ZAN: variants seen among roughly 807,000 people sequenced by gnomAD.
ZAN encodes zonadhesin.
Under a neutral mutation model 286.2 loss-of-function variants are expected in ZAN, and 260 were observed. The ratio of observed to expected loss-of-function variants is 0.91; its 90% CI spans 0.82 to 1.01. The LOEUF is 1.01. Among genes scored for constraint, ZAN ranks in the 50% least tolerant of loss-of-function variants. ZAN has a pLI of 0.00. For synonymous variants in ZAN, 1,368 were observed against 1,417.5 expected, an observed-to-expected ratio of 0.97 and a Z score of 0.79; for missense variants, 3,410 against 3,639.2, an observed-to-expected ratio of 0.94 and a Z score of 1.62.
rs1233141695 is a variant in ZAN, at chr7:100,786,253, G to A, written c.6979+112G>A. 2.9e-5 allele frequency: 43 copies of A among 1,482,034 alleles called. No individual in the cohort carries two copies. The East Asian group carries it at 9.6e-4, about 33-fold the overall frequency. 91.8% of individuals were successfully genotyped at this position (1,482,034 alleles called of 1,614,324 possible). A position where few individuals can be genotyped will look rare whatever the true frequency, so the allele number is the denominator to read the frequency against. ...AGCCTGAACCCCAGCACAGTCAGGG[G>A]TTGGGGCGGGCGACTGGATCAGGAG... is the stretch of plus-strand genomic sequence containing the variant. On this transcript the variant is annotated intron_variant, in intron 37 of 47. Coordinates refer to ENST00000613979, the MANE Select transcript of ZAN (RefSeq NM_003386.3).
At chr7:100,783,748 AAAAAAAAAAAAAAAAAT>A (rs1189839544) in intron 35 of ZAN, among the ~76,000 whole-genome samples, 1 of 29,992 alleles carries the variant, frequency 3.3e-5, no homozygotes, top group Non-Finnish European at 6.4e-5. Context: ...AAAAAAAAAA[AAAAAAAAAAAAAAAAAT>A]ATATATATAT....
In ZAN at chr7:100,768,720, G is replaced by A; in HGVS notation, c.5152G>A (p.Gly1718Ser). The change falls in exon 27 of 48, where the codon GGC (glycine) becomes AGC (serine). Residue 1718 changes from glycine (G) to serine (S), a missense_variant and splice_region_variant. Around this residue, in one of 7 missense-constraint regions of ZAN, gnomAD observed 1,042 missense variants for 1,058.0 expected, o/e 0.98. Coordinates refer to ENST00000613979, the MANE Select transcript of ZAN (RefSeq NM_003386.3). ...AWKLPESSEP[G>S]CFLVGGKPSS... is the part of the protein sequence containing the mutation. ...GAAGTTACCTGAATCCTCTGAACCT[G>A]GGTGAGCTGGGGGTCAGGGGAGCCA... The A allele has an allele frequency of 6.3e-7, 1 of 1,591,074 alleles. No homozygotes were observed. The highest frequency in any genetic ancestry group is 1.1e-5 in the South Asian group (1 of 87,838).
chr7:100,755,247 G>A lies in ZAN; in HGVS notation c.3146G>A (p.Arg1049His), dbSNP rs1230573919. ...SSTERCPPNARYESCACPASC... is the reference protein window; with the variant it reads ...SSTERCPPNAHYESCACPASC... ...TTAGAGCGCTGCCCTCCAAATGCCC[G>A]CTACGAATCCTGTGCTTGTCCTGCT... The change falls in exon 15 of 48, where the codon CGC (arginine) becomes CAC (histidine). Residue 1049 changes from arginine to histidine, a missense_variant. This residue lies in a region of ZAN where 1,042 missense variants were observed against 1,058.0 expected (regional missense o/e 0.98). Transcript: ENST00000613979. The A allele has an allele frequency of 3.7e-6, 6 of 1,612,678 alleles. No homozygotes were observed. Among genetic ancestry groups the A allele is most frequent in the Non-Finnish European group, 5.1e-6 (6 of 1,179,264 alleles).
chr7:100,793,742 C>CT (rs1554413247), intron 42 of ZAN, 78 bp from the exon 43 acceptor site: 4 of 1,476,366 alleles, frequency 2.7e-6, no homozygotes, highest in African/African-American at 2.8e-5. Context: ...CCAGCCTACT[C>CT]TGAGTTTTAT....
In ZAN at chr7:100,779,485, G is replaced by A. The variant is rs374805852; in HGVS notation, c.6357G>A (p.Ala2119=). ...SLLVDEQQIP[A]EQQENPSGNC... Reference sequence around the variant, plus strand: ...TGGTAGATGAGCAGCAGATTCCAGCGGAACAGCAGGAGAACCCGAGTGGAA... The same window carrying A: ...TGGTAGATGAGCAGCAGATTCCAGCAGAACAGCAGGAGAACCCGAGTGGAA... The change falls in exon 35 of 48, where the codon GCG becomes GCA. Residue 2119 remains alanine (A), a synonymous_variant. Coordinates refer to ENST00000613979, the MANE Select transcript of ZAN (RefSeq NM_003386.3). 52 of 1,610,888 alleles carry A rather than the reference G, an allele frequency of 3.2e-5. No individual in the cohort carries two copies. Among genetic ancestry groups the A allele is most frequent in the Non-Finnish European group, 4.2e-5 (49 of 1,178,664 alleles).
At chr7:100,737,813 A>C (rs1348318278) in intron 6 of ZAN, among the ~76,000 whole-genome samples, 1 of 136,122 alleles carries the variant, frequency 7.3e-6, no homozygotes, top group Non-Finnish European at 1.6e-5. Context: ...GCCTAAAGAG[A>C]GGTCTCGGCC....
intron 40 of ZAN, among the ~76,000 whole-genome samples, 152 bp downstream of exon 40, chr7:100,791,265 C>CT (rs775767893): frequency 7.0e-4 from 107 of 152,288 alleles, no homozygotes; most frequent in South Asian, 1.0e-3. Context: ...TCCCTCTCAT[C>CT]TGACTCTGGG....
intron 40 of ZAN, among the ~76,000 whole-genome samples, chr7:100,791,762 C>G (rs561964923): frequency 6.6e-6 from 1 of 152,168 alleles, no homozygotes; most frequent in Non-Finnish European, 1.5e-5. Flanking sequence ...GGGTCGTGCT[C>G]TGTTACCCAG....
chr7:100,780,212 CTT>C (rs1811110775), intron 35 of ZAN, among the ~76,000 whole-genome samples: 1 of 151,280 alleles, frequency 6.6e-6, no homozygotes, highest in Non-Finnish European at 1.5e-5. Flanking sequence ...AAAAAAGTGT[CTT>C]TTAGTATCTT....
chr7:100,786,407 CTTGTTTGT>C (rs146191724), intron 37 of ZAN, among the ~76,000 whole-genome samples: 1 of 151,702 alleles, frequency 6.6e-6, no homozygotes, highest in Middle Eastern at 3.2e-3. Context: ...TTTTTCTTTT[CTTGTTTGT>C]TTGTTTTTTG....
chr7:100,780,831 C>T (rs977678414), intron 35 of ZAN, among the ~76,000 whole-genome samples: 2 of 151,584 alleles, frequency 1.3e-5, no homozygotes, highest in Non-Finnish European at 2.9e-5. Context: ...GACTGACACC[C>T]GTAATCCAAG....
chr7:100,785,815 C>T, intron 36 of ZAN, among the ~76,000 whole-genome samples, 182 bp from the exon 37 acceptor site: 1 of 152,130 alleles, frequency 6.6e-6, no homozygotes, highest in Admixed American at 6.6e-5. Flanking sequence ...TGTGCTACCA[C>T]ACCTGGCTAA....
chr7:100,748,017 A>G, intron 9 of ZAN, 120 bp from the exon 10 acceptor site: 2 of 761,236 alleles, frequency 2.6e-6, no homozygotes, highest in Non-Finnish European at 4.3e-6. Context: ...GAAAGAACTG[A>G]ATTGAGGGTC....
intron 33 of ZAN, among the ~76,000 whole-genome samples, 162 bp downstream of exon 33, chr7:100,775,995 A>G (rs17147750): frequency 0.062 from 9,403 of 151,924 alleles, 905 homozygotes; most frequent in African/African-American, 0.21. Flanking sequence ...TAGGGTGGAC[A>G]AGAGTGTTTC....
intron 31 of ZAN, among the ~76,000 whole-genome samples, chr7:100,774,251 T>A (rs1307757941): frequency 3.3e-5 from 5 of 151,896 alleles, no homozygotes; most frequent in Admixed American, 6.6e-5. Flanking sequence ...TAGCCTATAA[T>A]CCCAGCTACT....
intron 28 of ZAN, 133 bp from the exon 29 acceptor site, chr7:100,771,711 T>A (rs952181178): frequency 6.5e-6 from 6 of 926,884 alleles, no homozygotes; most frequent in Non-Finnish European, 9.6e-6. Flanking sequence ...GGATTACAGG[T>A]GTGAGCCACT....
rs369190312 is a variant in ZAN, at chr7:100,795,179, C to G, written c.8126-17C>G. ...CCTCCCAGGGCCCCCCTCCCACAAC[C>G]CTCTCTGTCCTTGCAGAAAGCCCGT... is the stretch of plus-strand genomic sequence containing the variant. On this transcript the variant is annotated splice_polypyrimidine_tract_variant and intron_variant, in intron 44 of 47. Transcript: ENST00000613979. 30 of 1,603,484 alleles carry G rather than the reference C, an allele frequency of 1.9e-5. No individual in the cohort carries two copies. Among genetic ancestry groups the G allele is most frequent in the Non-Finnish European group, 2.6e-5 (30 of 1,175,160 alleles).
At position 100,769,950 on chromosome 7, in the gene ZAN, T is replaced by C. The variant is rs17147735; in HGVS notation, c.5224T>C (p.Cys1742Arg). 16,933 of 1,566,374 alleles carry C rather than the reference T, an allele frequency of 0.011. 908 individuals carry two copies. In the African/African-American group the frequency reaches 0.14, roughly 13 times the overall value. ...NSMADAWNKN[C>R]AILINPQGPF... ...CATGGCAGACGCCTGGAACAAGAACTGTGCGATCTTAATAAACCCTCAGGG... is the reference window on the plus strand; with the variant it reads ...CATGGCAGACGCCTGGAACAAGAACCGTGCGATCTTAATAAACCCTCAGGG... Residue 1742 changes from cysteine (C) to arginine (R), a missense_variant, in exon 28 of 48, where the codon TGT becomes CGT. Transcript: ENST00000613979.
rs1323565199 is a variant in ZAN at position 100,733,865 on chromosome 7, T to C, written c.-142-162T>C. Among the ~76,000 whole-genome samples, 6 of 141,626 alleles carry C rather than the reference T, an allele frequency of 4.2e-5. 2 individuals are homozygous for C. The highest frequency in any genetic ancestry group is 9.5e-5 in the Non-Finnish European group (6 of 63,244). 92.9% of individuals were successfully genotyped at this position (141,626 alleles called of 152,430 possible). On this transcript the variant is annotated intron_variant, in intron 1 of 47. Transcript: ENST00000613979. ...CCTTTGTTCTCTCTTTTTGAACTCC[T>C]TTCGTTTGAGGTTAGACTTCCTGGA...
Sources: gnomAD v4.1 joint callset for allele counts (sites outside exome capture counted in the v4.1 genomes callset) on GRCh38, gnomAD v4.1.1 for gene constraint, gnomAD v4.1.1 regional missense constraint, MANE v1.5 for transcripts, NCBI Gene and HGNC (gene_info 2026-07-23, HGNC 2026-07-21) for gene names.